ERBB4: variants seen among roughly 807,000 people sequenced by gnomAD.
The protein encoded by ERBB4 is receptor tyrosine-protein kinase erbB-4.
ERBB4 carries 42 observed loss-of-function variants against 158.0 expected under a neutral mutation model. The observed-to-expected ratio is 0.27, with a 90% CI of 0.21 to 0.34. The LOEUF (loss-of-function observed/expected upper bound fraction) is 0.34. Among genes scored for constraint, ERBB4 ranks in the 10% least tolerant of loss-of-function variants. The probability of loss-of-function intolerance (pLI) is 1.00; values close to 1 mark genes in which losing one functional copy is unlikely to be tolerated. For synonymous variants in ERBB4, 583 were observed against 558.7 expected, an observed-to-expected ratio of 1.04 and a Z score of -0.61; for missense variants, 1,333 against 1,624.1, an observed-to-expected ratio of 0.82 and a Z score of 3.08.
chr2:211,647,313 C>T (rs2070811287), intron 16 of ERBB4, among the ~76,000 whole-genome samples: 2 of 151,610 alleles, frequency 1.3e-5, no homozygotes, highest in African/African-American at 4.8e-5. Flanking sequence ...AAATATCTTT[C>T]TCTTGATATT....
Position 212,100,952 on chromosome 2 carries a change from T to C in ERBB4, c.234+23800A>G, listed in dbSNP as rs148716934. Among the ~76,000 whole-genome samples the C allele has an allele frequency of 5.3e-5, 8 of 152,258 alleles. No individual in the cohort carries two copies. In the East Asian group the frequency reaches 5.8e-4, roughly 11 times the overall value. On this transcript the variant is annotated intron_variant, in intron 2 of 27. Coordinates refer to ENST00000342788, the MANE Select transcript of ERBB4 (RefSeq NM_005235.3). The stretch of plus-strand genomic sequence containing the variant: ...CCACAGGTAAGTAGATAAATGTGTA[T>C]TGCTAATCATCTTATTTCAAAATTT...
intron 3 of ERBB4, among the ~76,000 whole-genome samples, chr2:211,837,733 C>T (rs1307401315): frequency 1.3e-5 from 2 of 151,956 alleles, no homozygotes; most frequent in Non-Finnish European, 2.9e-5. Flanking sequence ...ACATAAAAGC[C>T]CTAGAATAGG....
intron 4 of ERBB4, among the ~76,000 whole-genome samples, chr2:211,775,380 T>C (rs1326951626): frequency 6.6e-6 from 1 of 152,220 alleles, no homozygotes; most frequent in Non-Finnish European, 1.5e-5. Flanking sequence ...GTGCTTGATA[T>C]AGCTCTTCCA....
chr2:211,486,580 A>T (rs1225329935), intron 20 of ERBB4, among the ~76,000 whole-genome samples: 1 of 152,130 alleles, frequency 6.6e-6, no homozygotes, highest in Non-Finnish European at 1.5e-5. Context: ...TTTGATACGT[A>T]ACAGGTGATG....
intron 1 of ERBB4, among the ~76,000 whole-genome samples, chr2:212,249,765 CATTGT>C (rs2084459953): frequency 6.6e-6 from 1 of 151,972 alleles, no homozygotes; most frequent in South Asian, 2.1e-4. Flanking sequence ...AGGAAGCAAA[CATTGT>C]ATTATGCTTG....
intron 1 of ERBB4, among the ~76,000 whole-genome samples, chr2:212,158,345 A>T (rs951694274): frequency 6.6e-6 from 1 of 151,830 alleles, no homozygotes; most frequent in African/African-American, 2.4e-5. Context: ...TCTTGACCTC[A>T]CTGTTTCCTA....
rs1692225901 is a variant in ERBB4 at position 212,522,491 on chromosome 2, A to T, written c.82+15958T>A. 2.6e-5 allele frequency among the ~76,000 whole-genome samples: 4 copies of T among 151,948 alleles called. No individual in the cohort carries two copies. In the South Asian group the frequency reaches 8.3e-4, roughly 31 times the overall value. Reference sequence around the variant, plus strand: ...GATGCTGTGACATATCCAAGTGGAGATATCGAGCAGGCAGTAGAAACAGGA... The same window carrying T: ...GATGCTGTGACATATCCAAGTGGAGTTATCGAGCAGGCAGTAGAAACAGGA... On this transcript the variant is annotated intron_variant, in intron 1 of 27. Transcript: ENST00000342788.
At chr2:211,424,526 A>G (rs2063584008) in intron 22 of ERBB4, among the ~76,000 whole-genome samples, 1 of 152,032 alleles carries the variant, frequency 6.6e-6, no homozygotes, top group Non-Finnish European at 1.5e-5. Context: ...TTTCTAATGG[A>G]TAGAAGAGAC....
intron 19 of ERBB4, among the ~76,000 whole-genome samples, chr2:211,597,985 AGTGGCAGTTTT>A (rs1026001751): frequency 7.2e-5 from 11 of 152,302 alleles, no homozygotes; most frequent in Admixed American, 2.0e-4. Context: ...ATTCAGTTAA[AGTGGCAGTTTT>A]GTATGTCTGT....
chr2:211,924,758 C>T (rs1330525629), intron 3 of ERBB4, among the ~76,000 whole-genome samples: 2 of 151,850 alleles, frequency 1.3e-5, no homozygotes, highest in Admixed American at 6.6e-5. Flanking sequence ...CGTATTTATA[C>T]CAATAAAAAT....
rs1348342719 is a variant in ERBB4, at chr2:211,776,882, A to C, written c.556+11143T>G. Among the ~76,000 whole-genome samples the C allele has an allele frequency of 2.0e-5, 3 of 152,074 alleles. No individual in the cohort carries two copies. The East Asian group carries it at 5.8e-4, about 29-fold the overall frequency. On this transcript the variant is annotated intron_variant, in intron 4 of 27. Transcript: ENST00000342788. The stretch of plus-strand genomic sequence containing the variant: ...TTACTCTATTTATTATACAGAATGG[A>C]GGGTTTATTTGGTAGGAGGGCCTTA...
In ERBB4 at chr2:211,431,707, T is replaced by A. The variant is rs1329006015; in HGVS notation, c.2488-607A>T. 2.0e-5 allele frequency among the ~76,000 whole-genome samples: 3 copies of A among 152,162 alleles called. No homozygotes were observed. The East Asian group carries it at 5.8e-4, about 29-fold the overall frequency. On this transcript the variant is annotated intron_variant, in intron 20 of 27. Coordinates refer to ENST00000342788, the MANE Select transcript of ERBB4 (RefSeq NM_005235.3). Reference sequence around the variant, plus strand: ...GTAATTTTTAAGAAGACTTCTATGGTATCAGTAGTCATTATGAGAATCCAT... The same window carrying A: ...GTAATTTTTAAGAAGACTTCTATGGAATCAGTAGTCATTATGAGAATCCAT...
intron 1 of ERBB4, among the ~76,000 whole-genome samples, chr2:212,303,447 T>C (rs1266161668): frequency 7.1e-6 from 1 of 140,474 alleles, no homozygotes; most frequent in Non-Finnish European, 1.6e-5. Context: ...AACTTTGTTC[T>C]ACTGATATTT....
chr2:211,548,250 G>A (rs1246377984), intron 20 of ERBB4, among the ~76,000 whole-genome samples: 6 of 151,538 alleles, frequency 4.0e-5, no homozygotes, highest in Non-Finnish European at 7.4e-5. Flanking sequence ...AATTCAACCA[G>A]GTGCTTTATC....
intron 20 of ERBB4, among the ~76,000 whole-genome samples, chr2:211,515,912 A>ATATATATATATATATATATATTT (rs35696520): frequency 1.5e-4 from 12 of 78,980 alleles, no homozygotes; most frequent in Non-Finnish European, 2.4e-4. Flanking sequence ...ATATATATAT[A>ATATATATATATATATATATATTT]TTTTTTTTTT....
At chr2:212,522,327 T>A (rs1383568813) in intron 1 of ERBB4, among the ~76,000 whole-genome samples, 1 of 152,002 alleles carries the variant, frequency 6.6e-6, no homozygotes, top group African/African-American at 2.4e-5. Flanking sequence ...CTTTAATAAG[T>A]ACTAGATATT....
chr2:211,490,683 C>G (rs1055208649), intron 20 of ERBB4, among the ~76,000 whole-genome samples: 4 of 151,852 alleles, frequency 2.6e-5, no homozygotes, highest in African/African-American at 9.7e-5. Context: ...GTTTGTGAGA[C>G]GAAGAAGTAT....
intron 3 of ERBB4, among the ~76,000 whole-genome samples, chr2:211,834,420 A>G (rs183309286): frequency 4.0e-3 from 613 of 151,474 alleles, no homozygotes; most frequent in African/African-American, 0.014. Flanking sequence ...CAAAATACAT[A>G]TGGATAGCTT....
rs1167274491 is a variant in ERBB4 at position 211,513,377 on chromosome 2, C to CA, written c.2487+48525dup. On this transcript the variant is annotated intron_variant, in intron 20 of 27. Transcript: ENST00000342788. ...CGTCTCAAAAAAAAAAAAAAAAAAACAAAAAAAAAACACTGATCCTAGAAG... is the reference window on the plus strand; with the variant it reads ...CGTCTCAAAAAAAAAAAAAAAAAAACAAAAAAAAAAACACTGATCCTAGAAG... Among the ~76,000 whole-genome samples the CA allele has an allele frequency of 7.2e-4, 40 of 55,782 alleles. 1 individual carries two copies. Among genetic ancestry groups the CA allele is most frequent in the South Asian group, 2.8e-3 (4 of 1,448 alleles). 36.6% of individuals were successfully genotyped at this position (55,782 alleles called of 152,430 possible).
Sources: gnomAD v4.1 joint callset for allele counts (sites outside exome capture counted in the v4.1 genomes callset) on GRCh38, gnomAD v4.1.1 for gene constraint, MANE v1.5 for transcripts, NCBI Gene and HGNC (gene_info 2026-07-23, HGNC 2026-07-21) for gene names.